The following TCAF1 variants were observed in gnomAD, a reference collection of about 807,000 sequenced individuals.
TCAF1 encodes TRPM8 channel associated factor 1, also known as TRPM8 channel-associated factor 1.
In TCAF1, 4 loss-of-function variants were observed where a neutral mutation model predicts 27.3. The observed-to-expected ratio is 0.15, with a 90% CI of 0.07 to 0.34. TCAF1 has a LOEUF of 0.34. TCAF1 is among the 10% of genes least tolerant of loss of function. TCAF1 has a pLI of 1.00. For synonymous variants in TCAF1, 105 were observed against 167.1 expected (o/e 0.63, Z 2.87); for missense variants, 257 against 425.8 (o/e 0.60, Z 3.49).
chr7:143,884,803 T>C (rs1407897314), intron 1 of TCAF1, among the ~76,000 whole-genome samples: 2 of 152,142 alleles, frequency 1.3e-5, no homozygotes, highest in Non-Finnish European at 2.9e-5. Context: ...AATGTCAGCA[T>C]ATAATAAATC....
At chr7:143,899,251 TAAAAC>T (rs1814014594) in intron 1 of TCAF1, among the ~76,000 whole-genome samples, 1 of 152,206 alleles carries the variant, frequency 6.6e-6, no homozygotes, top group African/African-American at 2.4e-5. Context: ...CAAGTAAAGC[TAAAAC>T]ACTCTTAAAG....
At chr7:143,883,499 T>C (rs1027415290) in intron 1 of TCAF1, among the ~76,000 whole-genome samples, 1 of 118,148 alleles carries the variant, frequency 8.5e-6, no homozygotes, top group Non-Finnish European at 1.7e-5. Context: ...CTTTCCTTTT[T>C]CTTTTTTTTT....
chr7:143,892,216 CA>C (rs1335525891), intron 1 of TCAF1, among the ~76,000 whole-genome samples: 1 of 151,814 alleles, frequency 6.6e-6, no homozygotes, highest in African/African-American at 2.4e-5. Flanking sequence ...TTTAAATAAA[CA>C]AAATGCCTTA....
intron 1 of TCAF1, among the ~76,000 whole-genome samples, chr7:143,900,345 TTCTG>T (rs2116880388): frequency 6.6e-6 from 1 of 152,156 alleles, no homozygotes; most frequent in Admixed American, 6.5e-5. Flanking sequence ...AGAATCTGAC[TTCTG>T]TCTTTCTCTT....
At chr7:143,894,462 T>G (rs1444431016) in intron 1 of TCAF1, among the ~76,000 whole-genome samples, 1 of 151,726 alleles carries the variant, frequency 6.6e-6, no homozygotes, top group African/African-American at 2.4e-5. Context: ...ATTCAAAAAG[T>G]CTAATGGTGT....
intron 2 of TCAF1, among the ~76,000 whole-genome samples, chr7:143,874,895 T>C (rs1463867602): frequency 1.3e-5 from 2 of 152,200 alleles, no homozygotes; most frequent in Non-Finnish European, 1.5e-5. Flanking sequence ...CTGGGATATA[T>C]AATATGTTTA....
intron 1 of TCAF1, chr7:143,882,977 C>T: frequency 1.5e-6 from 1 of 662,088 alleles, no homozygotes; most frequent in Non-Finnish European, 1.9e-6. Flanking sequence ...GACAGCGCTT[C>T]TTTGTGTCGC....
chr7:143,892,438 G>T (rs2116855041), intron 1 of TCAF1, among the ~76,000 whole-genome samples: 1 of 151,534 alleles, frequency 6.6e-6, no homozygotes, highest in South Asian at 2.1e-4. Context: ...AATAGAAAGT[G>T]TTGAATTCGA....
intron 1 of TCAF1, among the ~76,000 whole-genome samples, chr7:143,897,131 AATATATATATATATATATAT>A (rs5888117): frequency 0.017 from 1,385 of 80,388 alleles, 51 homozygotes; most frequent in East Asian, 0.11. Context: ...GTTAATCTTG[AATATATATATATATATATAT>A]ATATATATAT....
At chr7:143,898,799 G>A (rs1306931656) in intron 1 of TCAF1, among the ~76,000 whole-genome samples, 1 of 152,160 alleles carries the variant, frequency 6.6e-6, no homozygotes, top group East Asian at 1.9e-4. Flanking sequence ...AGCAGGTGTT[G>A]GAAACTTAAT....
Position 143,876,091 on chromosome 7 carries a change from T to G in TCAF1, c.518A>C (p.Asn173Thr), listed in dbSNP as rs1316308047. 6.2e-7 allele frequency: 1 copy of G among 1,613,682 alleles called. No individual in the cohort carries two copies. The change falls in exon 2 of 9, where the codon AAC (asparagine) becomes ACC (threonine). Residue 173 changes from asparagine (N) to threonine (T), a missense_variant. Physicochemically the swap from Asn to Thr is moderately conservative, Grantham distance 65 (BLOSUM62 0). This residue lies in a region of TCAF1 where 255 missense variants were observed against 260.1 expected (regional missense o/e 0.98). Transcript: ENST00000479870. ...DERVLFTFPGNLVTSVAGIYF... is the reference protein window; with the variant it reads ...DERVLFTFPGTLVTSVAGIYF... ...AATGCCAGCCACACTGGTCACGAGG[T>G]TCCCAGGGAACGTGAACAGAACCCT...
At chr7:143,875,449 C>T (rs1240118879) in intron 2 of TCAF1, among the ~76,000 whole-genome samples, 3 of 152,222 alleles carry the variant, frequency 2.0e-5, no homozygotes, top group Non-Finnish European at 4.4e-5. Context: ...TCCTTCATTA[C>T]TGATCATCAA....
At chr7:143,875,940 T>G in intron 2 of TCAF1, 49 bp downstream of exon 2, 1 of 1,499,838 alleles carries the variant, frequency 6.7e-7, no homozygotes, top group Non-Finnish European at 8.9e-7. Flanking sequence ...AAGAACTGGG[T>G]CTGCTTTTCA....
At chr7:143,880,884 CA>C (rs1195552025) in intron 1 of TCAF1, among the ~76,000 whole-genome samples, 4 of 152,202 alleles carry the variant, frequency 2.6e-5, no homozygotes, top group African/African-American at 7.2e-5. Flanking sequence ...TTGGTGAGCT[CA>C]AATGAATAAA....
intron 1 of TCAF1, among the ~76,000 whole-genome samples, chr7:143,879,203 G>A (rs1477970729): frequency 6.6e-6 from 1 of 152,154 alleles, no homozygotes; most frequent in Non-Finnish European, 1.5e-5. Flanking sequence ...GTCCTTCTAA[G>A]AGAAGATATG....
intron 1 of TCAF1, among the ~76,000 whole-genome samples, chr7:143,894,397 G>A (rs890583103): frequency 6.6e-6 from 1 of 151,572 alleles, no homozygotes; most frequent in Admixed American, 6.6e-5. Flanking sequence ...GCAAAATCTC[G>A]TAAGTACATT....
intron 1 of TCAF1, among the ~76,000 whole-genome samples, chr7:143,901,389 G>T (rs536525622): frequency 6.6e-6 from 1 of 152,272 alleles, no homozygotes. Flanking sequence ...GTTGCAGGTT[G>T]GGCCAAACTA....
chr7:143,900,180 G>A (rs1467653191), intron 1 of TCAF1, among the ~76,000 whole-genome samples: 2 of 152,176 alleles, frequency 1.3e-5, no homozygotes, highest in Middle Eastern at 3.2e-3. Flanking sequence ...TAGAGGACAT[G>A]GGCAGGCTTT....
In TCAF1 at chr7:143,876,161, T is replaced by C. The variant is rs1812688009; in HGVS notation, c.448A>G (p.Ile150Val). ...GCCCAATCCCAGGCTTGTCCTCCTA[T>C]GAGCAAGCCGCCACCACATTTCATG... ...KFMKCGGGLL[I>V]GGQAWDWANQ... Residue 150 changes from isoleucine (I) to valine (V), a missense_variant, in exon 2 of 9, where the codon ATA becomes GTA. By Grantham distance (29) the Ile-to-Val change is conservative. Around this residue, in one of 2 missense-constraint regions of TCAF1, gnomAD observed 255 missense variants for 260.1 expected, o/e 0.98. Transcript: ENST00000479870. The C allele has an allele frequency of 1.9e-6, 3 of 1,614,170 alleles. No homozygotes were observed. Among genetic ancestry groups the C allele is most frequent in the Non-Finnish European group, 2.5e-6 (3 of 1,180,006 alleles).
Sources: gnomAD v4.1 joint callset for allele counts (sites outside exome capture counted in the v4.1 genomes callset) on GRCh38, gnomAD v4.1.1 for gene constraint, gnomAD v4.1.1 regional missense constraint, MANE v1.5 for transcripts, NCBI Gene and HGNC (gene_info 2026-07-23, HGNC 2026-07-21) for gene names.